Variants in CDON observed in about 807,000 individuals in gnomAD.
CDON encodes cell adhesion associated, oncogene regulated.
CDON carries 73 observed loss-of-function variants against 120.9 expected under a neutral mutation model. That is an observed-to-expected ratio of 0.60 (90% CI 0.50 to 0.73). The LOEUF (loss-of-function observed/expected upper bound fraction) is 0.73, where lower values mean the gene tolerates loss of function less well. Among genes scored for constraint, CDON ranks in the 30% least tolerant of loss-of-function variants. The pLI, the probability that CDON is intolerant of heterozygous loss-of-function variation, is 0.00. For missense variants in CDON, 1,470 were observed against 1,587.3 expected, an observed-to-expected ratio of 0.93 and a Z score of 1.26; for synonymous variants, 566 against 573.5, an observed-to-expected ratio of 0.99 and a Z score of 0.19.
Position 126,005,559 on chromosome 11 carries a change from G to A in CDON, c.1851+200C>T, listed in dbSNP as rs188482794. On this transcript the variant is annotated intron_variant, in intron 9 of 19. Coordinates refer to ENST00000531738, the MANE Select transcript of CDON (RefSeq NM_001378964.1). ...CATTGGGTTCCTAGAATTCCAATTT[G>A]GGGGGAAATTATACTTCATTCTCAG... is the stretch of plus-strand genomic sequence containing the variant. 1.2e-5 allele frequency: 7 copies of A among 606,560 alleles called. No individual in the cohort carries two copies. In the East Asian group the frequency reaches 2.0e-4, roughly 17 times the overall value. 37.6% of individuals were successfully genotyped at this position (606,560 alleles called of 1,614,324 possible).
At chr11:126,002,179 T>A (rs979280965) in intron 10 of CDON, among the ~76,000 whole-genome samples, 1 of 152,220 alleles carries the variant, frequency 6.6e-6, no homozygotes, top group Non-Finnish European at 1.5e-5. Flanking sequence ...ATATATTTCT[T>A]AATTCTAAGC....
chr11:126,031,957 T>G (rs1947956195), intron 1 of CDON, among the ~76,000 whole-genome samples: 1 of 152,210 alleles, frequency 6.6e-6, no homozygotes, highest in Admixed American at 6.5e-5. Flanking sequence ...TTTTAAAGTA[T>G]CTTTTACCAT....
chr11:126,036,488 T>C (rs1232651167), intron 1 of CDON, among the ~76,000 whole-genome samples: 4 of 152,206 alleles, frequency 2.6e-5, no homozygotes, highest in Non-Finnish European at 4.4e-5. Flanking sequence ...AGTCTTGGCA[T>C]AGTTCTTAAG....
intron 18 of CDON, among the ~76,000 whole-genome samples, chr11:125,962,638 G>A (rs1945675719): frequency 6.6e-6 from 1 of 152,132 alleles, no homozygotes; most frequent in African/African-American, 2.4e-5. Flanking sequence ...TACAATGTGT[G>A]TTTTCTTTAA....
chr11:126,014,178 A>C (rs1272098366), intron 7 of CDON, among the ~76,000 whole-genome samples: 1 of 152,152 alleles, frequency 6.6e-6, no homozygotes, highest in Non-Finnish European at 1.5e-5. Context: ...CTCATATCAT[A>C]AACAATTGAT....
intron 18 of CDON, among the ~76,000 whole-genome samples, chr11:125,972,228 C>T (rs529054818): frequency 6.9e-6 from 1 of 144,978 alleles, no homozygotes; most frequent in African/African-American, 2.5e-5. Context: ...GAGTGCGAGA[C>T]CAGCCTAGCC....
chr11:125,969,492 T>C lies in CDON; in HGVS notation c.3357-7494A>G, dbSNP rs916962262. 3.9e-5 allele frequency among the ~76,000 whole-genome samples: 6 copies of C among 152,372 alleles called. No individual in the cohort carries two copies. The East Asian group carries it at 7.7e-4, about 20-fold the overall frequency. On this transcript the variant is annotated intron_variant, in intron 18 of 19. Transcript: ENST00000531738. ...CACAATGCACATTTTACAGTTTATA[T>C]AATGCAAATAGTTTGTAACTTCACT...
At chr11:126,033,227 C>G in intron 1 of CDON, among the ~76,000 whole-genome samples, 1 of 152,232 alleles carries the variant, frequency 6.6e-6, no homozygotes, top group South Asian at 2.1e-4. Flanking sequence ...CTTCTGTGGT[C>G]TGCTGCTGCT....
At chr11:126,001,195 CT>C (rs35347300) in intron 11 of CDON, among the ~76,000 whole-genome samples, 77,055 of 135,544 alleles carry the variant, frequency 0.57, 21,129 homozygotes, top group East Asian at 0.79. Context: ...CTTCCTTTTT[CT>C]TTTTTTTTTT....
intron 18 of CDON, among the ~76,000 whole-genome samples, chr11:125,966,264 T>C (rs569745566): frequency 4.6e-5 from 7 of 152,122 alleles, no homozygotes; most frequent in Non-Finnish European, 7.4e-5. Context: ...TTCAATAAAG[T>C]AGATGACAAG....
At chr11:126,025,848 G>A (rs1375794365) in intron 1 of CDON, among the ~76,000 whole-genome samples, 1 of 152,124 alleles carries the variant, frequency 6.6e-6, no homozygotes, top group Non-Finnish European at 1.5e-5. Context: ...TCAAGTAGGA[G>A]AGATAGACAA....
At chr11:126,026,000 G>A (rs1242729690) in intron 1 of CDON, among the ~76,000 whole-genome samples, 1 of 152,088 alleles carries the variant, frequency 6.6e-6, no homozygotes, top group Non-Finnish European at 1.5e-5. Context: ...TAACTTATCT[G>A]GTGACACAAC....
At chr11:125,984,814 A>G (rs745614483) in intron 15 of CDON, among the ~76,000 whole-genome samples, 2 of 152,194 alleles carry the variant, frequency 1.3e-5, no homozygotes, top group Non-Finnish European at 2.9e-5. Context: ...TACCATGTAT[A>G]TAAAATTCAC....
intron 1 of CDON, among the ~76,000 whole-genome samples, chr11:126,033,952 G>C (rs924166436): frequency 1.2e-4 from 19 of 152,232 alleles, no homozygotes; most frequent in South Asian, 4.2e-4. Flanking sequence ...GTCCATAGGA[G>C]GAACATATAA....
intron 1 of CDON, among the ~76,000 whole-genome samples, chr11:126,024,853 A>G (rs746388627): frequency 4.6e-5 from 7 of 152,206 alleles, no homozygotes; most frequent in Non-Finnish European, 1.0e-4. Context: ...AGCCAAGGAC[A>G]CTCAGCAGAG....
chr11:125,996,206 A>AC (rs1397489849), intron 12 of CDON, among the ~76,000 whole-genome samples: 45 of 146,168 alleles, frequency 3.1e-4, no homozygotes, highest in African/African-American at 1.0e-3. Flanking sequence ...ACACACACAC[A>AC]AAGATGTACA....
At chr11:125,977,211 C>T (rs1021343005) in intron 18 of CDON, among the ~76,000 whole-genome samples, 9 of 152,268 alleles carry the variant, frequency 5.9e-5, no homozygotes, top group African/African-American at 1.7e-4. Context: ...AACAAGCAAA[C>T]CTTAGTACAT....
At chr11:126,044,874 T>C (rs1948361444) in intron 1 of CDON, among the ~76,000 whole-genome samples, 1 of 152,124 alleles carries the variant, frequency 6.6e-6, no homozygotes, top group Admixed American at 6.5e-5. Flanking sequence ...ATTGTATATT[T>C]TTAAATAACT....
At chr11:126,016,777 T>C (rs1947480166) in intron 6 of CDON, among the ~76,000 whole-genome samples, 1 of 152,166 alleles carries the variant, frequency 6.6e-6, no homozygotes, top group South Asian at 2.1e-4. Context: ...CACACAGATA[T>C]AGGCTAGATT....
Sources: allele counts gnomAD v4.1 joint callset (sites outside exome capture counted in the v4.1 genomes callset), GRCh38; gene constraint gnomAD v4.1.1; transcripts MANE v1.5; gene names NCBI Gene and HGNC (gene_info 2026-07-23, HGNC 2026-07-21).